LPP: variants seen among roughly 807,000 people sequenced by gnomAD.
LPP encodes the protein LIM domain containing preferred translocation partner in lipoma.
In LPP, 38 loss-of-function variants were observed where a neutral mutation model predicts 60.4. The observed-to-expected ratio is 0.63, with a 90% CI of 0.49 to 0.83. LPP has a LOEUF of 0.83. Ranked by LOEUF, LPP falls within the 40% of genes least tolerant of loss-of-function variation. LPP has a pLI of 0.00. For missense variants in LPP, 902 were observed against 783.6 expected, an observed-to-expected ratio of 1.15 and a Z score of -1.80; for synonymous variants, 328 against 290.8, an observed-to-expected ratio of 1.13 and a Z score of -1.30.
At chr3:188,470,319 C>CACACACACACACACACAA in intron 4 of LPP, among the ~76,000 whole-genome samples, 2 of 148,878 alleles carry the variant, frequency 1.3e-5, no homozygotes, top group East Asian at 4.0e-4. Flanking sequence ...CACACACACA[C>CACACACACACACACACAA]GCACACATAA....
chr3:188,322,644 T>C (rs182689608), intron 2 of LPP, among the ~76,000 whole-genome samples: 3 of 152,332 alleles, frequency 2.0e-5, no homozygotes, highest in African/African-American at 7.2e-5. Context: ...AATGAAAAGT[T>C]GTGAGTGCTC....
At chr3:188,863,386 T>A (rs1765744506) in intron 9 of LPP, among the ~76,000 whole-genome samples, 1 of 152,202 alleles carries the variant, frequency 6.6e-6, no homozygotes, top group South Asian at 2.1e-4. Flanking sequence ...CTCTGCATTA[T>A]TAGGAGTCAG....
In LPP at chr3:188,717,835, G is replaced by A. The variant is rs925172478; in HGVS notation, c.1240+9442G>A. On this transcript the variant is annotated intron_variant, in intron 8 of 11. Transcript: ENST00000617246. ...GTGTGTTTGTTTGTTTGTCTGTTTT[G>A]TGTCAGAGTTTCACTCTTATTGACC... 4.6e-5 allele frequency among the ~76,000 whole-genome samples: 7 copies of A among 151,940 alleles called. 1 individual carries two copies. The highest frequency in any genetic ancestry group is 1.7e-4 in the African/African-American group (7 of 41,324).
In LPP at chr3:188,382,170, C is replaced by T. The variant is rs1363172337; in HGVS notation, c.-9-23942C>T. On this transcript the variant is annotated intron_variant, in intron 3 of 11. Transcript: ENST00000617246. ...GGCACCCAGTTCATATCCCATTTGCCCAGATGCTCCCTTTTAATCTTTCCT... is the reference window on the plus strand; with the variant it reads ...GGCACCCAGTTCATATCCCATTTGCTCAGATGCTCCCTTTTAATCTTTCCT... Among the ~76,000 whole-genome samples the T allele has an allele frequency of 2.0e-5, 3 of 152,152 alleles. No homozygotes were observed. The South Asian group carries it at 6.2e-4, about 31-fold the overall frequency.
chr3:188,393,553 C>T (rs186815214), intron 3 of LPP, among the ~76,000 whole-genome samples: 1 of 152,100 alleles, frequency 6.6e-6, no homozygotes, highest in Non-Finnish European at 1.5e-5. Context: ...GAGTTATCGT[C>T]AAAACTGGGA....
At chr3:188,425,782 A>C (rs757473821) in intron 4 of LPP, among the ~76,000 whole-genome samples, 22 of 151,918 alleles carry the variant, frequency 1.4e-4, no homozygotes, top group Non-Finnish European at 2.5e-4. Context: ...TTTCTGTGGG[A>C]TCATTGGTGA....
chr3:188,395,821 G>A (rs1780812851), intron 3 of LPP, among the ~76,000 whole-genome samples: 1 of 151,988 alleles, frequency 6.6e-6, no homozygotes, highest in African/African-American at 2.4e-5. Flanking sequence ...GGCTGAGGTG[G>A]GAGAAATACT....
At chr3:188,527,016 G>A (rs971777055) in intron 6 of LPP, among the ~76,000 whole-genome samples, 5 of 152,088 alleles carry the variant, frequency 3.3e-5, no homozygotes, top group Non-Finnish European at 7.4e-5. Flanking sequence ...GAATTGTATC[G>A]TTCGAGACAG....
At chr3:188,380,767 T>G (rs1174127854) in intron 3 of LPP, among the ~76,000 whole-genome samples, 1 of 152,260 alleles carries the variant, frequency 6.6e-6, no homozygotes, top group Non-Finnish European at 1.5e-5. Context: ...AATTCTCAGA[T>G]GGATTGCATC....
chr3:188,342,054 A>G (rs1763199733), intron 3 of LPP, among the ~76,000 whole-genome samples: 1 of 152,196 alleles, frequency 6.6e-6, no homozygotes, highest in Admixed American at 6.5e-5. Flanking sequence ...TGTATCCTCA[A>G]CTAGTATGTG....
At chr3:188,866,110 C>T in intron 9 of LPP, 90 bp from the exon 10 acceptor site, 1 of 1,090,168 alleles carries the variant, frequency 9.2e-7, no homozygotes, top group East Asian at 2.8e-5. Context: ...GTGATAAGGA[C>T]CTGAGACAAT....
At chr3:188,495,083 T>TATATATATATATA (rs57578460) in intron 5 of LPP, among the ~76,000 whole-genome samples, 2,465 of 77,500 alleles carry the variant, frequency 0.032, 97 homozygotes, top group African/African-American at 0.075. Context: ...TATATATATA[T>TATATATATATATA]TTTATTTATA....
At chr3:188,276,602 T>G (rs543318852) in intron 2 of LPP, among the ~76,000 whole-genome samples, 32 of 152,242 alleles carry the variant, frequency 2.1e-4, no homozygotes, top group African/African-American at 7.2e-4. Flanking sequence ...GTGATGTCTT[T>G]GTGATAGTGA....
At chr3:188,726,798 T>G (rs1718570050) in intron 8 of LPP, among the ~76,000 whole-genome samples, 2 of 152,068 alleles carry the variant, frequency 1.3e-5, no homozygotes. Context: ...TACAAGCACA[T>G]AGATGTAGGC....
intron 2 of LPP, among the ~76,000 whole-genome samples, chr3:188,335,464 T>C (rs1042267903): frequency 2.6e-5 from 4 of 152,248 alleles, no homozygotes; most frequent in African/African-American, 9.6e-5. Flanking sequence ...TTTGCATCTA[T>C]GTTCATCAGA....
At chr3:188,634,865 T>C (rs1009975716) in intron 7 of LPP, among the ~76,000 whole-genome samples, 2 of 152,100 alleles carry the variant, frequency 1.3e-5, no homozygotes, top group Non-Finnish European at 2.9e-5. Context: ...AAATGTAAAG[T>C]ACTTGAATCA....
intron 1 of LPP, among the ~76,000 whole-genome samples, chr3:188,218,715 A>G (rs906356941): frequency 5.9e-5 from 9 of 152,184 alleles, no homozygotes; most frequent in Non-Finnish European, 1.3e-4. Flanking sequence ...ATTGATTCAA[A>G]GATAATTTGG....
chr3:188,845,305 A>C (rs1223787096), intron 9 of LPP, among the ~76,000 whole-genome samples: 4 of 152,190 alleles, frequency 2.6e-5, no homozygotes, highest in African/African-American at 7.2e-5. Context: ...TTCTGCGGTC[A>C]AGGCTCAGAC....
At chr3:188,700,152 G>A (rs538896543) in intron 7 of LPP, among the ~76,000 whole-genome samples, 2 of 152,258 alleles carry the variant, frequency 1.3e-5, no homozygotes, top group African/African-American at 4.8e-5. Flanking sequence ...CTGGTACCCA[G>A]AGTGATAGAG....
Sources: gnomAD v4.1 joint callset for allele counts (sites outside exome capture counted in the v4.1 genomes callset) on GRCh38, gnomAD v4.1.1 for gene constraint, MANE v1.5 for transcripts, NCBI Gene and HGNC (gene_info 2026-07-23, HGNC 2026-07-21) for gene names.